Variants in GRM7 observed in about 807,000 individuals in gnomAD.
The protein encoded by GRM7 is metabotropic glutamate receptor 7.
Under a neutral mutation model 84.5 loss-of-function variants are expected in GRM7, and 35 were observed. That is an observed-to-expected ratio of 0.41 (90% CI 0.32 to 0.55). GRM7 has a LOEUF of 0.55. Among genes scored for constraint, GRM7 ranks in the 20% least tolerant of loss-of-function variants. GRM7 has a pLI of 0.19. For synonymous variants in GRM7, 487 were observed against 455.1 expected (o/e 1.07, Z -0.89); for missense variants, 1,003 against 1,194.6 (o/e 0.84, Z 2.36).
At chr3:7,220,160 A>G (rs1249392276) in intron 2 of GRM7, among the ~76,000 whole-genome samples, 4 of 152,234 alleles carry the variant, frequency 2.6e-5, no homozygotes, top group Non-Finnish European at 5.9e-5. Context: ...TCACAAAGTT[A>G]CAGCATCATT....
chr3:6,996,734 T>A (rs1166623858), intron 1 of GRM7, among the ~76,000 whole-genome samples: 2 of 152,200 alleles, frequency 1.3e-5, no homozygotes, highest in African/African-American at 4.8e-5. Context: ...TTATTTCTTA[T>A]CTCCCTTCTG....
intron 7 of GRM7, among the ~76,000 whole-genome samples, chr3:7,488,758 C>G (rs897717847): frequency 5.3e-5 from 8 of 152,140 alleles, no homozygotes; most frequent in Admixed American, 2.0e-4. Flanking sequence ...AGCTGACTAA[C>G]TCAGTGTTAT....
intron 9 of GRM7, among the ~76,000 whole-genome samples, chr3:7,713,309 A>T (rs332933): frequency 6.6e-6 from 1 of 151,490 alleles, no homozygotes; most frequent in Non-Finnish European, 1.5e-5. Flanking sequence ...GCTAATTTTC[A>T]TATTTTTAGT....
At chr3:7,583,451 A>G (rs1695362179) in intron 8 of GRM7, among the ~76,000 whole-genome samples, 1 of 152,144 alleles carries the variant, frequency 6.6e-6, no homozygotes, top group Admixed American at 6.5e-5. Context: ...CTTCCTCTGT[A>G]CTCTGGTATA....
intron 1 of GRM7, among the ~76,000 whole-genome samples, chr3:7,007,640 C>G (rs1202508360): frequency 6.6e-6 from 1 of 152,166 alleles, no homozygotes; most frequent in Non-Finnish European, 1.5e-5. Flanking sequence ...TGAGTTTGCT[C>G]TGCCCTGGAA....
intron 8 of GRM7, among the ~76,000 whole-genome samples, chr3:7,592,591 T>C (rs545929266): frequency 6.6e-6 from 1 of 152,326 alleles, no homozygotes; most frequent in African/African-American, 2.4e-5. Context: ...GGATTCTGGA[T>C]GGAGGCACAG....
At chr3:6,965,250 T>C (rs1054272865) in intron 1 of GRM7, among the ~76,000 whole-genome samples, 1 of 152,232 alleles carries the variant, frequency 6.6e-6, no homozygotes, top group Non-Finnish European at 1.5e-5. Flanking sequence ...TCCAGTCTTC[T>C]GTGTCAGATG....
intron 1 of GRM7, among the ~76,000 whole-genome samples, chr3:7,108,729 A>G (rs904869709): frequency 9.9e-5 from 15 of 152,208 alleles, no homozygotes; most frequent in Middle Eastern, 3.4e-3. Context: ...CTCCTGGGTC[A>G]ACCCATGAAA....
At chr3:7,473,937 T>G (rs1420341230) in intron 7 of GRM7, among the ~76,000 whole-genome samples, 1 of 152,194 alleles carries the variant, frequency 6.6e-6, no homozygotes, top group East Asian at 1.9e-4. Context: ...CAGACAGTTT[T>G]AGTTTCCTTC....
At chr3:7,650,740 T>A (rs1168146546) in intron 8 of GRM7, among the ~76,000 whole-genome samples, 51 of 152,170 alleles carry the variant, frequency 3.4e-4, no homozygotes, top group Admixed American at 3.3e-3. Flanking sequence ...TATTTAGAGA[T>A]GGAGTCTCCC....
intron 1 of GRM7, among the ~76,000 whole-genome samples, chr3:7,063,843 T>C (rs1215764456): frequency 1.3e-5 from 2 of 151,684 alleles, no homozygotes; most frequent in African/African-American, 2.4e-5. Context: ...TAAGAACTTA[T>C]GTATGTAATG....
chr3:7,588,857 G>A (rs3804888), intron 8 of GRM7, among the ~76,000 whole-genome samples: 9 of 152,114 alleles, frequency 5.9e-5, no homozygotes, highest in Admixed American at 1.3e-4. Context: ...GTGATCTCAC[G>A]TTAGTGATTT....
chr3:7,190,489 C>T (rs1695674492), intron 2 of GRM7, among the ~76,000 whole-genome samples: 1 of 152,002 alleles, frequency 6.6e-6, no homozygotes, highest in East Asian at 1.9e-4. Context: ...TTCTAAAGTC[C>T]TCTGTTTGCC....
chr3:7,148,873 C>G (rs984008819), intron 2 of GRM7, among the ~76,000 whole-genome samples: 6 of 152,068 alleles, frequency 3.9e-5, no homozygotes, highest in Non-Finnish European at 7.4e-5. Context: ...CCAGCTGGTG[C>G]TGCAGAAATG....
intron 4 of GRM7, among the ~76,000 whole-genome samples, chr3:7,360,128 T>C (rs1381166208): frequency 8.0e-6 from 1 of 124,914 alleles, no homozygotes. Context: ...CCCCCCCTTT[T>C]TTTTCCCTCT....
At chr3:6,880,713 C>T (rs1025316975) in intron 1 of GRM7, among the ~76,000 whole-genome samples, 40 of 152,206 alleles carry the variant, frequency 2.6e-4, no homozygotes, top group Non-Finnish European at 3.4e-4. Context: ...ATCTCTCACT[C>T]GTCTTTGTCA....
At chr3:6,878,372 T>A (rs1695387978) in intron 1 of GRM7, among the ~76,000 whole-genome samples, 1 of 121,766 alleles carries the variant, frequency 8.2e-6, no homozygotes, top group Non-Finnish European at 1.7e-5. Context: ...ATTTTTTATG[T>A]GTTTGCGTGT....
At chr3:7,322,284 T>C (rs576774234) in intron 4 of GRM7, among the ~76,000 whole-genome samples, 4 of 3,794 alleles carry the variant, frequency 1.1e-3, no homozygotes, top group South Asian at 0.03. Flanking sequence ...AAATGAATAC[T>C]TGGGTTAAAC....
intron 8 of GRM7, among the ~76,000 whole-genome samples, chr3:7,608,790 G>A (rs963092087): frequency 3.9e-5 from 6 of 152,074 alleles, no homozygotes; most frequent in African/African-American, 1.4e-4. Context: ...ATCTTTGCCA[G>A]TTCCTATGTC....
Sources: allele counts gnomAD v4.1 joint callset (sites outside exome capture counted in the v4.1 genomes callset), GRCh38; gene constraint gnomAD v4.1.1; transcripts MANE v1.5; gene names NCBI Gene and HGNC (gene_info 2026-07-23, HGNC 2026-07-21).